Variants in TFB1M observed in about 807,000 individuals in gnomAD.
TFB1M encodes the protein dimethyladenosine transferase 1, mitochondrial.
A neutral mutation model predicts 31.1 loss-of-function variants in TFB1M; 27 were observed. The observed-to-expected ratio is 0.87, with a 90% CI of 0.64 to 1.20. The LOEUF (loss-of-function observed/expected upper bound fraction) is 1.20, where lower values mean the gene tolerates loss of function less well. Ranked by LOEUF, TFB1M falls within the 50% of genes most tolerant of loss-of-function variation. TFB1M has a pLI of 0.00. For missense variants in TFB1M, 394 were observed against 418.7 expected, an observed-to-expected ratio of 0.94 and a Z score of 0.51; for synonymous variants, 166 against 151.8, an observed-to-expected ratio of 1.09 and a Z score of -0.69.
downstream of TFB1M, chr6:155,255,272 CTAAGT>C (rs1783926922): frequency 6.6e-6 from 1 of 152,176 alleles, no homozygotes; most frequent in Non-Finnish European, 1.5e-5. Context: ...GTAATGCCAT[CTAAGT>C]TAAGGGGCCT....
chr6:155,268,988 A>T (rs1296792138), intron 5 of TFB1M, among the ~76,000 whole-genome samples: 8 of 19,550 alleles, frequency 4.1e-4, no homozygotes, highest in African/African-American at 8.0e-4. Flanking sequence ...TAAAAAATTA[A>T]AAAAAAAAAA....
intron 4 of TFB1M, among the ~76,000 whole-genome samples, chr6:155,291,586 A>G (rs13205496): frequency 6.6e-6 from 1 of 152,228 alleles, no homozygotes; most frequent in Non-Finnish European, 1.5e-5. Flanking sequence ...CATCTAAAGG[A>G]AAGTTTTCCA....
At chr6:155,294,975 C>G (rs1777098548) in intron 4 of TFB1M, among the ~76,000 whole-genome samples, 1 of 152,200 alleles carries the variant, frequency 6.6e-6, no homozygotes, top group African/African-American at 2.4e-5. Context: ...AAATAAACTA[C>G]AGTCATAAGC....
At chr6:155,293,974 C>A (rs979620268) in intron 4 of TFB1M, among the ~76,000 whole-genome samples, 13 of 152,192 alleles carry the variant, frequency 8.5e-5, no homozygotes, top group Non-Finnish European at 1.3e-4. Flanking sequence ...ACTCCTTTCT[C>A]TCTGTCCTGT....
the TFB1M span, among the ~76,000 whole-genome samples, chr6:155,236,642 G>A: frequency 6.6e-6 from 1 of 152,178 alleles, no homozygotes; most frequent in Non-Finnish European, 1.5e-5. Flanking sequence ...CAGCCTGGGT[G>A]ACAGAGCAAG....
intron 2 of TFB1M, among the ~76,000 whole-genome samples, chr6:155,302,373 T>C (rs1777468603): frequency 1.3e-5 from 2 of 152,148 alleles, no homozygotes; most frequent in South Asian, 2.1e-4. Flanking sequence ...GTATAAAATA[T>C]AGTAGGTGAA....
chr6:155,299,102 T>C (rs1777313140), intron 2 of TFB1M, among the ~76,000 whole-genome samples: 1 of 152,128 alleles, frequency 6.6e-6, no homozygotes, highest in African/African-American at 2.4e-5. Flanking sequence ...GATGCCAGTC[T>C]CCACTTGGCA....
the TFB1M span, chr6:155,240,587 A>G: frequency 1.9e-6 from 3 of 1,614,196 alleles, no homozygotes; most frequent in Non-Finnish European, 2.5e-6. Context: ...GGCCAACGGC[A>G]TGGAAGGACC....
At chr6:155,266,207 G>A (rs1388369502) in intron 5 of TFB1M, among the ~76,000 whole-genome samples, 1 of 151,992 alleles carries the variant, frequency 6.6e-6, no homozygotes, top group African/African-American at 2.4e-5. Flanking sequence ...TTAAAATTCA[G>A]AACCCCAACT....
chr6:155,283,519 ATTT>A (rs1400945977), intron 5 of TFB1M, among the ~76,000 whole-genome samples: 1 of 152,226 alleles, frequency 6.6e-6, no homozygotes, highest in Admixed American at 6.5e-5. Flanking sequence ...GAGAAGGTAA[ATTT>A]TAATTGATAA....
chr6:155,309,658 G>A (rs1777935180), intron 2 of TFB1M, among the ~76,000 whole-genome samples: 1 of 152,130 alleles, frequency 6.6e-6, no homozygotes, highest in African/African-American at 2.4e-5. Context: ...TGAGGGACAA[G>A]AAGTCTTTTT....
chr6:155,236,376 A>G, the TFB1M span, among the ~76,000 whole-genome samples: 383 of 152,138 alleles, frequency 2.5e-3, no homozygotes, highest in African/African-American at 8.7e-3. Flanking sequence ...AGAAACACCC[A>G]TGACAGCCAG....
the TFB1M span, chr6:155,248,139 C>A: frequency 1.2e-6 from 2 of 1,614,116 alleles, no homozygotes; most frequent in Non-Finnish European, 1.7e-6. Context: ...AGCTGGTGTC[C>A]CTGACGGACC....
chr6:155,265,683 A>G (rs1008025751), intron 5 of TFB1M, among the ~76,000 whole-genome samples: 11 of 147,286 alleles, frequency 7.5e-5, no homozygotes, highest in African/African-American at 2.7e-4. Context: ...ATATATATAT[A>G]TGAGTTTATT....
chr6:155,293,905 A>T (rs1424117726), intron 4 of TFB1M, among the ~76,000 whole-genome samples: 2 of 152,134 alleles, frequency 1.3e-5, no homozygotes. Context: ...ACTTGACAGT[A>T]GTTTTATCAA....
chr6:155,266,964 T>C (rs1242210199), intron 5 of TFB1M, among the ~76,000 whole-genome samples: 1 of 145,512 alleles, frequency 6.9e-6, no homozygotes, highest in Non-Finnish European at 1.5e-5. Flanking sequence ...TAGAATACTT[T>C]GCTGCCTTTT....
At chr6:155,270,705 C>G (rs7738077) in intron 5 of TFB1M, among the ~76,000 whole-genome samples, 5,538 of 152,216 alleles carry the variant, frequency 0.036, 354 homozygotes, top group African/African-American at 0.13. Context: ...GCAGCCGGGT[C>G]CCTCCATCTG....
At chr6:155,284,123 C>G (rs999086834) in intron 5 of TFB1M, among the ~76,000 whole-genome samples, 2 of 152,158 alleles carry the variant, frequency 1.3e-5, no homozygotes, top group Non-Finnish European at 2.9e-5. Context: ...TTCCTAGTCA[C>G]CTGAACGCTC....
chr6:155,278,211 G>A (rs1426238819), intron 5 of TFB1M, among the ~76,000 whole-genome samples: 5 of 152,116 alleles, frequency 3.3e-5, no homozygotes, highest in Non-Finnish European at 5.9e-5. Flanking sequence ...CAAAGCTCCT[G>A]CTCACCCTTC....
Sources: gnomAD v4.1 joint callset for allele counts (sites outside exome capture counted in the v4.1 genomes callset) on GRCh38, gnomAD v4.1.1 for gene constraint, MANE v1.5 for transcripts, NCBI Gene and HGNC (gene_info 2026-07-23, HGNC 2026-07-21) for gene names.